Variants in JAKMIP2 observed in about 807,000 individuals in gnomAD.
The protein encoded by JAKMIP2 is janus kinase and microtubule-interacting protein 2.
In JAKMIP2, 25 loss-of-function variants were observed where a neutral mutation model predicts 115.0. That is an observed-to-expected ratio of 0.22 (90% confidence interval 0.16 to 0.30). The LOEUF is 0.30. JAKMIP2 is among the 10% of genes least tolerant of loss of function. The probability of loss-of-function intolerance (pLI) is 1.00; values close to 1 mark genes in which losing one functional copy is unlikely to be tolerated. For missense variants in JAKMIP2, 642 were observed against 957.6 expected (o/e 0.67, Z 4.35); for synonymous variants, 334 against 343.6 (o/e 0.97, Z 0.31).
chr5:147,637,850 A>G (rs76977072), intron 10 of JAKMIP2, among the ~76,000 whole-genome samples: 2,215 of 152,220 alleles, frequency 0.015, 27 homozygotes, highest in Middle Eastern at 0.078. Flanking sequence ...TGTATGGAGC[A>G]ACTTTGTTGT....
chr5:147,603,728 A>G (rs1050061018), intron 20 of JAKMIP2, among the ~76,000 whole-genome samples: 2 of 152,192 alleles, frequency 1.3e-5, no homozygotes, highest in East Asian at 3.9e-4. Context: ...TTGAAGTAAG[A>G]TTATTACCCC....
chr5:147,597,318 C>T (rs983626285), intron 21 of JAKMIP2, among the ~76,000 whole-genome samples: 2 of 151,956 alleles, frequency 1.3e-5, no homozygotes, highest in African/African-American at 4.8e-5. Flanking sequence ...AGTTTTTTTC[C>T]ATTAGAACAA....
At chr5:147,709,256 T>C (rs1391880014) in intron 1 of JAKMIP2, among the ~76,000 whole-genome samples, 1 of 152,202 alleles carries the variant, frequency 6.6e-6, no homozygotes, top group Non-Finnish European at 1.5e-5. Flanking sequence ...CCAATGAGAA[T>C]GTTATGGATT....
chr5:147,683,385 G>A (rs1346293281), intron 1 of JAKMIP2, among the ~76,000 whole-genome samples: 1 of 152,048 alleles, frequency 6.6e-6, no homozygotes, highest in Non-Finnish European at 1.5e-5. Flanking sequence ...TCAGCTATTC[G>A]GAAGGTTGAG....
At chr5:147,625,063 C>T (rs1442013079) in intron 16 of JAKMIP2, among the ~76,000 whole-genome samples, 1 of 152,086 alleles carries the variant, frequency 6.6e-6, no homozygotes, top group East Asian at 1.9e-4. Context: ...TCACTGCAAC[C>T]TCCGCCTCCA....
intron 21 of JAKMIP2, among the ~76,000 whole-genome samples, chr5:147,597,272 C>T (rs979774178): frequency 2.0e-5 from 3 of 151,990 alleles, no homozygotes; most frequent in South Asian, 2.1e-4. Flanking sequence ...AATATTTGCA[C>T]GTTTTAACAA....
intron 20 of JAKMIP2, among the ~76,000 whole-genome samples, chr5:147,602,306 A>C (rs1755738481): frequency 6.6e-6 from 1 of 152,206 alleles, no homozygotes; most frequent in Non-Finnish European, 1.5e-5. Flanking sequence ...AGCTGGGAGA[A>C]TATTAATCTG....
chr5:147,675,182 A>T (rs139280265), intron 1 of JAKMIP2, among the ~76,000 whole-genome samples: 1 of 152,294 alleles, frequency 6.6e-6, no homozygotes, highest in African/African-American at 2.4e-5. Flanking sequence ...GCCGGACTTT[A>T]TATATTTTTA....
intron 1 of JAKMIP2, among the ~76,000 whole-genome samples, chr5:147,730,536 A>G (rs1198322401): frequency 6.6e-6 from 1 of 151,834 alleles, no homozygotes; most frequent in East Asian, 1.9e-4. Context: ...GCTCACTGCA[A>G]CTTCCACCTC....
intron 1 of JAKMIP2, among the ~76,000 whole-genome samples, chr5:147,733,039 C>T (rs1294548870): frequency 6.6e-6 from 1 of 152,116 alleles, no homozygotes; most frequent in East Asian, 1.9e-4. Flanking sequence ...ATAATTAACT[C>T]ATGGTTTAGG....
At chr5:147,769,485 A>G (rs1755271122) in intron 1 of JAKMIP2, among the ~76,000 whole-genome samples, 1 of 152,120 alleles carries the variant, frequency 6.6e-6, no homozygotes, top group Middle Eastern at 3.2e-3. Context: ...ACTGAGCCAC[A>G]TAGTATTAAA....
At chr5:147,713,121 C>A (rs1752845109) in intron 1 of JAKMIP2, among the ~76,000 whole-genome samples, 1 of 152,128 alleles carries the variant, frequency 6.6e-6, no homozygotes, top group African/African-American at 2.4e-5. Flanking sequence ...TTTCAGACAT[C>A]TATAGCCAGC....
chr5:147,738,260 T>C (rs1754000918), intron 1 of JAKMIP2, among the ~76,000 whole-genome samples: 1 of 152,160 alleles, frequency 6.6e-6, no homozygotes, highest in Non-Finnish European at 1.5e-5. Flanking sequence ...ACATACTAGC[T>C]TTCTTCCATC....
At chr5:147,677,904 C>T (rs111519051) in intron 1 of JAKMIP2, among the ~76,000 whole-genome samples, 2,981 of 152,220 alleles carry the variant, frequency 0.02, 99 homozygotes, top group African/African-American at 0.068. Context: ...CCATGTTATA[C>T]AACAGATCTC....
intron 1 of JAKMIP2, among the ~76,000 whole-genome samples, chr5:147,715,340 A>G (rs1168374745): frequency 1.3e-5 from 2 of 151,902 alleles, no homozygotes; most frequent in African/African-American, 2.4e-5. Context: ...AATGAAATAT[A>G]CCAATTAAAA....
chr5:147,715,305 T>C (rs1255940647), intron 1 of JAKMIP2, among the ~76,000 whole-genome samples: 2 of 151,980 alleles, frequency 1.3e-5, no homozygotes, highest in South Asian at 2.1e-4. Context: ...AATCTAAATA[T>C]CAGTAATTGT....
At chr5:147,635,764 T>C (rs1008812679) in intron 12 of JAKMIP2, among the ~76,000 whole-genome samples, 1 of 152,166 alleles carries the variant, frequency 6.6e-6, no homozygotes, top group Non-Finnish European at 1.5e-5. Flanking sequence ...TTTCACCATG[T>C]TGGCCAGGCT....
chr5:147,618,138 C>A, intron 18 of JAKMIP2, 24 bp from the exon 19 acceptor site: 1 of 1,587,634 alleles, frequency 6.3e-7, no homozygotes, highest in South Asian at 1.1e-5. Flanking sequence ...TTAGAAAAGT[C>A]TAACTTTGGA....
At chr5:147,644,450 G>C (rs1758027806) in intron 6 of JAKMIP2, among the ~76,000 whole-genome samples, 1 of 152,114 alleles carries the variant, frequency 6.6e-6, no homozygotes, top group African/African-American at 2.4e-5. Flanking sequence ...CATTTCACTT[G>C]TCCGCATATA....
Sources: gnomAD v4.1 joint callset for allele counts (sites outside exome capture counted in the v4.1 genomes callset) on GRCh38, gnomAD v4.1.1 for gene constraint, MANE v1.5 for transcripts, NCBI Gene and HGNC (gene_info 2026-07-23, HGNC 2026-07-21) for gene names.